CPNE4: variants seen among roughly 807,000 people sequenced by gnomAD.
The protein encoded by CPNE4 is copine 4.
Under a neutral mutation model 67.9 loss-of-function variants are expected in CPNE4, and 25 were observed. The ratio of observed to expected loss-of-function variants is 0.37; its 90% CI spans 0.27 to 0.51. The LOEUF (loss-of-function observed/expected upper bound fraction) is 0.51, where lower values mean the gene tolerates loss of function less well. Ranked by LOEUF, CPNE4 falls within the 20% of genes least tolerant of loss-of-function variation. The pLI is 0.93. For synonymous variants in CPNE4, 242 were observed against 244.9 expected (o/e 0.99, Z 0.11); for missense variants, 464 against 690.8 (o/e 0.67, Z 3.68).
chr3:131,708,265 CTGAG>C lies in CPNE4; in HGVS notation c.361-8289_361-8286del, dbSNP rs576862696. Among the ~76,000 whole-genome samples, 572 of 152,098 alleles carry C rather than the reference CTGAG, an allele frequency of 3.8e-3. 3 individuals carry two copies. Among genetic ancestry groups the C allele is most frequent in the African/African-American group, 9.9e-3 (410 of 41,466 alleles). ...GGCTCCTGGGAAGAAGAAGGAGCTA[CTGAG>C]TGAGTAGGACACATTAGAGGAAGGG... On this transcript the variant is annotated intron_variant, in intron 3 of 15. Transcript: ENST00000429747.
chr3:131,910,779 G>A (rs975668147), intron 1 of CPNE4, among the ~76,000 whole-genome samples: 1 of 152,134 alleles, frequency 6.6e-6, no homozygotes, highest in African/African-American at 2.4e-5. Context: ...CTGGATAAAG[G>A]GCATGTAGGC....
chr3:131,657,733 T>C (rs2080014039), intron 7 of CPNE4, among the ~76,000 whole-genome samples: 1 of 151,242 alleles, frequency 6.6e-6, no homozygotes, highest in African/African-American at 2.4e-5. Context: ...TGTGTGTGTG[T>C]GTGTGTGTGT....
At chr3:131,966,797 A>G (rs764436186) in intron 1 of CPNE4, among the ~76,000 whole-genome samples, 81 of 152,342 alleles carry the variant, frequency 5.3e-4, no homozygotes, top group Middle Eastern at 6.8e-3. Context: ...ACTCTACCAG[A>G]GGTTCAAAGC....
At chr3:131,750,579 C>G (rs1223455553) in intron 2 of CPNE4, among the ~76,000 whole-genome samples, 3 of 152,018 alleles carry the variant, frequency 2.0e-5, no homozygotes, top group Admixed American at 2.0e-4. Context: ...CCCCAATGTC[C>G]TTTTATTATC....
chr3:131,906,427 CCA>C (rs1422546949), intron 1 of CPNE4, among the ~76,000 whole-genome samples: 1 of 132,854 alleles, frequency 7.5e-6, no homozygotes, highest in Non-Finnish European at 1.6e-5. Flanking sequence ...ACAACAGTCC[CCA>C]GAGTATGATG....
At chr3:131,668,515 A>C (rs1560082914) in intron 7 of CPNE4, among the ~76,000 whole-genome samples, 1 of 152,126 alleles carries the variant, frequency 6.6e-6, no homozygotes, top group Non-Finnish European at 1.5e-5. Context: ...GATTTCAGGC[A>C]ATAACAGCAA....
intron 1 of CPNE4, among the ~76,000 whole-genome samples, chr3:131,924,314 C>A (rs76026130): frequency 0.023 from 3,558 of 152,240 alleles, 130 homozygotes; most frequent in African/African-American, 0.08. Flanking sequence ...GCAAGAGAAG[C>A]AGAAACTGAG....
At chr3:132,032,995 T>C (rs6798878) in intron 1 of CPNE4, among the ~76,000 whole-genome samples, 93,058 of 152,122 alleles carry the variant, frequency 0.61, 28,609 homozygotes, top group South Asian at 0.66. Flanking sequence ...GGACGGTGGG[T>C]GTTTGTTTTT....
chr3:131,862,722 T>G (rs990016567), intron 2 of CPNE4, among the ~76,000 whole-genome samples: 29 of 151,422 alleles, frequency 1.9e-4, no homozygotes, highest in Non-Finnish European at 1.5e-5. Context: ...TATATTTTTA[T>G]TATACTTGAA....
intron 1 of CPNE4, among the ~76,000 whole-genome samples, chr3:131,994,756 A>G (rs967125979): frequency 3.3e-5 from 5 of 152,150 alleles, no homozygotes; most frequent in Non-Finnish European, 7.3e-5. Context: ...TACACTGGGG[A>G]GATGGATAAA....
rs1284545191 is a variant in CPNE4 at position 131,766,945 on chromosome 3, C to A, written c.181-43320G>T. 2.0e-5 allele frequency among the ~76,000 whole-genome samples: 3 copies of A among 152,032 alleles called. No individual in the cohort carries two copies. In the South Asian group the frequency reaches 6.2e-4, roughly 32 times the overall value. On this transcript the variant is annotated intron_variant, in intron 2 of 15. Coordinates refer to ENST00000429747, the MANE Select transcript of CPNE4 (RefSeq NM_130808.3). ...CTGCTGTAAACTCAAAGATAAATGGCAAATAACATGTTGCTAACATTGGGA... is the reference window on the plus strand; with the variant it reads ...CTGCTGTAAACTCAAAGATAAATGGAAAATAACATGTTGCTAACATTGGGA...
At chr3:131,714,455 T>C (rs1366846747) in intron 3 of CPNE4, among the ~76,000 whole-genome samples, 1 of 152,210 alleles carries the variant, frequency 6.6e-6, no homozygotes, top group Non-Finnish European at 1.5e-5. Context: ...TTGGCCTTTT[T>C]GTAGTGTAAA....
Position 131,551,054 on chromosome 3 carries a change from T to C in CPNE4, c.1169-974A>G, listed in dbSNP as rs78858428. 7.4e-3 allele frequency among the ~76,000 whole-genome samples: 1,123 copies of C among 152,228 alleles called. 16 individuals are homozygous for C. The highest frequency in any genetic ancestry group is 0.026 in the African/African-American group (1,065 of 41,572). On this transcript the variant is annotated intron_variant, in intron 13 of 15. Coordinates refer to ENST00000429747, the MANE Select transcript of CPNE4 (RefSeq NM_130808.3). ...TGCCTTCCCCTATTCAGCTTATCCT[T>C]CTATCCCTTTCTATTCTGAAATAGC...
intron 7 of CPNE4, among the ~76,000 whole-genome samples, chr3:131,628,822 A>G (rs1195660542): frequency 2.0e-5 from 3 of 151,508 alleles, no homozygotes; most frequent in African/African-American, 7.3e-5. Context: ...TGGTCTATCA[A>G]TTTTGTTGAT....
chr3:131,580,388 CTATACA>C (rs56222832), intron 9 of CPNE4, among the ~76,000 whole-genome samples: 19,046 of 131,780 alleles, frequency 0.14, 1,618 homozygotes, highest in East Asian at 0.31. Context: ...ACATTGGCCT[CTATACA>C]TATACATATA....
chr3:131,639,538 C>A (rs2107792073), intron 7 of CPNE4, among the ~76,000 whole-genome samples: 1 of 152,080 alleles, frequency 6.6e-6, no homozygotes, highest in African/African-American at 2.4e-5. Context: ...ACAAAGAAGT[C>A]CAGGACCAGA....
intron 2 of CPNE4, among the ~76,000 whole-genome samples, chr3:131,841,929 G>A (rs1246563768): frequency 2.0e-5 from 3 of 152,204 alleles, no homozygotes; most frequent in Non-Finnish European, 2.9e-5. Context: ...AGTTAGAGAT[G>A]CCTGGAGAGA....
intron 2 of CPNE4, among the ~76,000 whole-genome samples, chr3:131,770,010 A>C (rs182970399): frequency 6.6e-6 from 1 of 152,284 alleles, no homozygotes; most frequent in Non-Finnish European, 1.5e-5. Context: ...CATTCACTTC[A>C]GTAAAAAAGC....
chr3:131,581,391 G>A lies in CPNE4; in HGVS notation c.867+188C>T, dbSNP rs763997389. 7.2e-5 allele frequency among the ~76,000 whole-genome samples: 11 copies of A among 152,286 alleles called. 1 individual carries two copies. The highest frequency in any genetic ancestry group is 5.8e-4 in the East Asian group (3 of 5,184). On this transcript the variant is annotated intron_variant, in intron 9 of 15. Coordinates refer to ENST00000429747, the MANE Select transcript of CPNE4 (RefSeq NM_130808.3). ...CCTGGGGAGAGGACAGTGACACTGC[G>A]CTGCCACAGCTCCATGACCACCCAT...
Sources: allele counts gnomAD v4.1 joint callset (sites outside exome capture counted in the v4.1 genomes callset), GRCh38; gene constraint gnomAD v4.1.1; transcripts MANE v1.5; gene names NCBI Gene and HGNC (gene_info 2026-07-23, HGNC 2026-07-21).